The following KMT5B variants were observed in gnomAD, a reference collection of about 807,000 sequenced individuals.
KMT5B encodes the protein lysine methyltransferase 5B.
In KMT5B, 10 loss-of-function variants were observed where a neutral mutation model predicts 83.2. The ratio of observed to expected loss-of-function variants is 0.12; its 90% CI spans 0.07 to 0.20. The LOEUF is 0.20. KMT5B is among the 10% of genes least tolerant of loss of function. The pLI is 1.00. For synonymous variants in KMT5B, 349 were observed against 388.8 expected (o/e 0.90, Z 1.20); for missense variants, 753 against 1,067.2 (o/e 0.71, Z 4.10).
chr11:68,194,568 T>C (rs1858489289), intron 1 of KMT5B, among the ~76,000 whole-genome samples: 1 of 152,210 alleles, frequency 6.6e-6, no homozygotes, highest in African/African-American at 2.4e-5. Context: ...AAGACTTAGA[T>C]CTTTAAAAGC....
intron 10 of KMT5B, 57 bp downstream of exon 10, chr11:68,166,925 A>G (rs757199338): frequency 2.5e-6 from 4 of 1,600,762 alleles, no homozygotes; most frequent in East Asian, 2.2e-5. Context: ...CACTTTATAA[A>G]GCAAATTGTG....
At chr11:68,181,261 G>T (rs1477802958) in intron 3 of KMT5B, among the ~76,000 whole-genome samples, 1 of 151,996 alleles carries the variant, frequency 6.6e-6, no homozygotes, top group Non-Finnish European at 1.5e-5. Context: ...TTTTAGTAGA[G>T]ACGGGGTTTC....
chr11:68,207,848 T>G (rs1211677910), intron 1 of KMT5B, among the ~76,000 whole-genome samples: 1 of 151,022 alleles, frequency 6.6e-6, no homozygotes, highest in Non-Finnish European at 1.5e-5. Context: ...AAACAAATTT[T>G]TTATTTTTTT....
chr11:68,164,795 G>C (rs1855167355), intron 10 of KMT5B: 1 of 454,528 alleles, frequency 2.2e-6, no homozygotes, highest in Non-Finnish European at 4.4e-6. Flanking sequence ...CAGTCCCTCT[G>C]AACTTGAAAG....
intron 1 of KMT5B, among the ~76,000 whole-genome samples, chr11:68,209,641 C>T (rs1392565848): frequency 3.3e-5 from 5 of 152,176 alleles, no homozygotes; most frequent in Non-Finnish European, 7.3e-5. Flanking sequence ...GCTAGCTCAG[C>T]AACCCTATCA....
At chr11:68,210,027 T>A (rs1591091409) in intron 1 of KMT5B, among the ~76,000 whole-genome samples, 1 of 152,162 alleles carries the variant, frequency 6.6e-6, no homozygotes, top group African/African-American at 2.4e-5. Context: ...TTTGTATTTT[T>A]AGTAGAGACG....
intron 10 of KMT5B, among the ~76,000 whole-genome samples, chr11:68,159,375 T>C (rs1287955160): frequency 6.6e-6 from 1 of 152,200 alleles, no homozygotes; most frequent in African/African-American, 2.4e-5. Flanking sequence ...GGGGCATCTA[T>C]TCATTTTTGA....
chr11:68,171,290 A>G lies in KMT5B; in HGVS notation c.821-39T>C, dbSNP rs1440201715. 9 of 1,603,050 alleles carry G rather than the reference A, an allele frequency of 5.6e-6. No individual in the cohort carries two copies. The highest frequency in any genetic ancestry group is 7.7e-6 in the Non-Finnish European group (9 of 1,173,282). ...AAAAGATAAAGTCAATTAACTGTTG[A>G]TAAGATCTGAAACACGAACAATTAT... On this transcript the variant is annotated intron_variant, in intron 7 of 10. Transcript: ENST00000304363. This position sits in a 1 kb window ranked among gnomAD's most constrained non-coding sequence, Gnocchi z 5.1.
chr11:68,188,173 T>C (rs1229736707), intron 2 of KMT5B, among the ~76,000 whole-genome samples: 2 of 151,674 alleles, frequency 1.3e-5, no homozygotes, highest in Non-Finnish European at 2.9e-5. Context: ...TACAGGCACC[T>C]GCCACCACGC....
chr11:68,208,869 T>C (rs1406990675), intron 1 of KMT5B, among the ~76,000 whole-genome samples: 2 of 152,092 alleles, frequency 1.3e-5, no homozygotes, highest in Non-Finnish European at 2.9e-5. Flanking sequence ...AAACAAAAAA[T>C]ACCTTTTTTG....
rs938626145 is a variant in KMT5B, at chr11:68,167,295, T to C, written c.978-117A>G. ...ATGTGATGAGCTGCTGAGGCCTTAA[T>C]CACCACTGGAAACCGAAGACTAGAA... On this transcript the variant is annotated intron_variant, in intron 9 of 10. Coordinates refer to ENST00000304363, the MANE Select transcript of KMT5B (RefSeq NM_017635.5). 3.9e-6 allele frequency: 5 copies of C among 1,282,456 alleles called. No individual in the cohort carries two copies. In the African/African-American group the frequency reaches 6.0e-5, roughly 15 times the overall value. 79.4% of individuals were successfully genotyped at this position (1,282,456 alleles called of 1,614,324 possible).
At chr11:68,208,407 C>T (rs572238959) in intron 1 of KMT5B, among the ~76,000 whole-genome samples, 1 of 151,860 alleles carries the variant, frequency 6.6e-6, no homozygotes, top group Non-Finnish European at 1.5e-5. Context: ...GAGCCAAGAT[C>T]GCGCCACTGC....
intron 1 of KMT5B, among the ~76,000 whole-genome samples, chr11:68,203,470 C>T (rs1859705297): frequency 2.0e-5 from 3 of 152,188 alleles, no homozygotes; most frequent in Admixed American, 6.5e-5. Context: ...ATTCCAAAGC[C>T]GTCTGCAATC....
chr11:68,155,872 G>A lies in KMT5B; in HGVS notation c.*1816C>T, dbSNP rs551362521. The A allele has an allele frequency of 6.6e-6, 1 of 152,336 alleles. No individual in the cohort carries two copies. The highest frequency in any genetic ancestry group is 1.5e-5 in the Non-Finnish European group (1 of 68,046). The allele number at this position is 152,336 out of a possible 1,614,324, so 9.4% of individuals were successfully genotyped here. On this transcript the variant is annotated 3_prime_UTR_variant, in exon 11 of 11. Transcript: ENST00000304363. Reference sequence around the variant, plus strand: ...TGCTTTCCAAACGCCTGAGGAGTTCGACTGCACCACAACAAACAAGGATGA... The same window carrying A: ...TGCTTTCCAAACGCCTGAGGAGTTCAACTGCACCACAACAAACAAGGATGA...
intron 1 of KMT5B, among the ~76,000 whole-genome samples, chr11:68,195,057 T>C (rs1858545579): frequency 6.6e-6 from 1 of 152,058 alleles, no homozygotes; most frequent in Non-Finnish European, 1.5e-5. Flanking sequence ...GGTATGCACC[T>C]GTAGTTACAC....
In KMT5B at chr11:68,171,996, T is replaced by C. The variant is rs1855880095; in HGVS notation, c.654-287A>G. On this transcript the variant is annotated intron_variant, in intron 6 of 10. Coordinates refer to ENST00000304363, the MANE Select transcript of KMT5B (RefSeq NM_017635.5). The surrounding 1 kb of genome is among the most constrained non-coding windows in gnomAD (Gnocchi z 5.1). ...GTCTCTGAATGCCCTGGTGTGGTGT[T>C]TTGCAAGCAGAAAGTACTCAAATAC... 8.0e-6 allele frequency among the ~76,000 whole-genome samples: 1 copy of C among 124,398 alleles called. No homozygotes were observed. The highest frequency in any genetic ancestry group is 2.7e-5 in the African/African-American group (1 of 36,674). The allele number at this position is 124,398 out of a possible 152,430, so 81.6% of individuals were successfully genotyped here.
At chr11:68,167,511 G>C (rs1855427215) in intron 9 of KMT5B, among the ~76,000 whole-genome samples, 1 of 149,090 alleles carries the variant, frequency 6.7e-6, no homozygotes, top group South Asian at 2.1e-4. Context: ...CTGGAATGCA[G>C]TGGCACGATC....
chr11:68,175,914 GT>G (rs397848049), intron 4 of KMT5B, among the ~76,000 whole-genome samples: 15,072 of 126,214 alleles, frequency 0.12, 719 homozygotes, highest in East Asian at 0.2. Flanking sequence ...GGGTAGAGTT[GT>G]TTTTTTTTTT....
intron 1 of KMT5B, among the ~76,000 whole-genome samples, chr11:68,202,979 T>G (rs2153085548): frequency 6.6e-6 from 1 of 152,100 alleles, no homozygotes; most frequent in East Asian, 1.9e-4. Flanking sequence ...AATTCTATGC[T>G]AAACTTTTTC....
Sources: allele counts gnomAD v4.1 joint callset (sites outside exome capture counted in the v4.1 genomes callset), GRCh38; gene constraint gnomAD v4.1.1; non-coding constraint Gnocchi (gnomAD v3.1); transcripts MANE v1.5; gene names NCBI Gene and HGNC (gene_info 2026-07-23, HGNC 2026-07-21).